Variants in VCF2 observed in about 807,000 individuals in gnomAD.
VCF2 encodes the protein protein VCF2.
chrX:55,155,938 CTTCTTTTTTTTTTT>C, the VCF2 span, among the ~76,000 whole-genome samples: 8 of 91,046 alleles, frequency 8.8e-5, no homozygotes, highest in Non-Finnish European at 1.8e-4. Context: ...CTTTCTTCTT[CTTCTTTTTTTTTTT>C]TTTTTTTTTG....
the VCF2 span, among the ~76,000 whole-genome samples, chrX:55,146,917 A>C: frequency 1.8e-4 from 20 of 112,397 alleles, no homozygotes; most frequent in Admixed American, 1.8e-3. Context: ...CTTTTAGTTA[A>C]AGTTATATGT....
the VCF2 span, among the ~76,000 whole-genome samples, chrX:55,151,894 T>C: frequency 1.1e-5 from 1 of 89,692 alleles, no homozygotes; most frequent in Non-Finnish European, 2.2e-5. Flanking sequence ...CTTTCTTTTT[T>C]TTTTTTTTTT....
the VCF2 span, chrX:55,159,100 A>C: frequency 2.8e-6 from 3 of 1,090,524 alleles, no homozygotes; most frequent in Non-Finnish European, 3.7e-6. Flanking sequence ...CAATGAATGA[A>C]ATAGAGGCAA....
chrX:55,148,116 T>G, the VCF2 span, among the ~76,000 whole-genome samples: 1 of 110,671 alleles, frequency 9.0e-6, no homozygotes, highest in Non-Finnish European at 1.9e-5. Context: ...GCTATAAAAA[T>G]AGTTAACAGA....
the VCF2 span, among the ~76,000 whole-genome samples, chrX:55,149,805 T>A: frequency 8.9e-6 from 1 of 112,122 alleles, no homozygotes; most frequent in Admixed American, 9.4e-5. Flanking sequence ...TTTGGAAAAA[T>A]TTAAAAGACA....
chrX:55,152,616 A>G, the VCF2 span, among the ~76,000 whole-genome samples: 1 of 112,244 alleles, frequency 8.9e-6, no homozygotes, highest in Non-Finnish European at 1.9e-5. Flanking sequence ...CCCTAAAATC[A>G]TTAGGCCAAG....
chrX:55,144,392 T>A, the VCF2 span, among the ~76,000 whole-genome samples: 3 of 111,888 alleles, frequency 2.7e-5, no homozygotes, highest in Non-Finnish European at 5.6e-5. Flanking sequence ...TCACCATACA[T>A]CTGGTATTGA....
chrX:55,151,630 C>T, the VCF2 span, among the ~76,000 whole-genome samples: 2 of 111,860 alleles, frequency 1.8e-5, no homozygotes, highest in Non-Finnish European at 1.9e-5. Context: ...TAAATTTGTC[C>T]TATGATTTGT....
the VCF2 span, among the ~76,000 whole-genome samples, chrX:55,147,741 T>C: frequency 2.8e-5 from 3 of 105,465 alleles, no homozygotes; most frequent in Non-Finnish European, 5.8e-5. Context: ...TGACAACATA[T>C]TGATTTTACA....
the VCF2 span, chrX:55,160,836 C>A: frequency 8.7e-7 from 1 of 1,155,943 alleles, no homozygotes; most frequent in East Asian, 3.3e-5. Context: ...CCACCTCACC[C>A]CCGCCTCCAG....
chrX:55,145,652 G>C, the VCF2 span: 3 of 755,337 alleles, frequency 4.0e-6, no homozygotes, highest in Admixed American at 8.4e-5. Context: ...TGGATTTTTT[G>C]TTTGTTTTTT....
chrX:55,145,642 T>G, the VCF2 span: 1 of 756,142 alleles, frequency 1.3e-6, no homozygotes, highest in Non-Finnish European at 1.6e-6. Context: ...TTTTTGAGTG[T>G]GGATTTTTTG....
chrX:55,145,530 A>C, the VCF2 span: 13 of 755,064 alleles, frequency 1.7e-5, no homozygotes, highest in Non-Finnish European at 2.0e-5. Context: ...ACAACTAGAG[A>C]GCAATTTCAA....
the VCF2 span, among the ~76,000 whole-genome samples, chrX:55,149,774 G>A: frequency 1.8e-5 from 2 of 111,881 alleles, no homozygotes; most frequent in African/African-American, 6.5e-5. Context: ...TGGTCAAGAT[G>A]ACCAAAACTT....
the VCF2 span, among the ~76,000 whole-genome samples, chrX:55,151,664 G>C: frequency 1.8e-5 from 2 of 111,835 alleles, no homozygotes; most frequent in African/African-American, 3.2e-5. Flanking sequence ...GGGGCTTGGA[G>C]AGAGAAAAAA....
At chrX:55,151,437 T>C in the VCF2 span, among the ~76,000 whole-genome samples, 1 of 112,679 alleles carries the variant, frequency 8.9e-6, no homozygotes, top group Non-Finnish European at 1.9e-5. Flanking sequence ...ACCCAATTAA[T>C]GTGGGTATTT....
the VCF2 span, chrX:55,146,101 C>T: frequency 8.3e-7 from 1 of 1,208,430 alleles, no homozygotes; most frequent in Non-Finnish European, 1.1e-6. Flanking sequence ...GGAGCTTGCC[C>T]TCGCTGCTGC....
chrX:55,147,501 C>T, the VCF2 span, among the ~76,000 whole-genome samples: 1 of 110,521 alleles, frequency 9.0e-6, no homozygotes, highest in African/African-American at 3.3e-5. Flanking sequence ...TTTTCCTAGG[C>T]CTGAGTATAA....
the VCF2 span, among the ~76,000 whole-genome samples, chrX:55,156,506 G>A: frequency 1.8e-5 from 2 of 112,301 alleles, no homozygotes; most frequent in Admixed American, 1.9e-4. Context: ...TTAAAATGAC[G>A]TGTACACATT....
Sources: gnomAD v4.1 joint callset for allele counts (sites outside exome capture counted in the v4.1 genomes callset) on GRCh38, gnomAD v4.1.1 for gene constraint, MANE v1.5 for transcripts, NCBI Gene and HGNC (gene_info 2026-07-23, HGNC 2026-07-21) for gene names.